The following SULF2 variants were observed in gnomAD, a reference collection of about 807,000 sequenced individuals.
SULF2 encodes sulfatase 2, also known as extracellular sulfatase Sulf-2.
A neutral mutation model predicts 107.7 loss-of-function variants in SULF2; 52 were observed. The ratio of observed to expected loss-of-function variants is 0.48; its 90% CI spans 0.39 to 0.61. The LOEUF (loss-of-function observed/expected upper bound fraction) is 0.61, where lower values mean the gene tolerates loss of function less well. Ranked by LOEUF, SULF2 falls within the 20% of genes least tolerant of loss-of-function variation. The probability of loss-of-function intolerance (pLI) is 0.00; values close to 1 mark genes in which losing one functional copy is unlikely to be tolerated. For synonymous variants in SULF2, 460 were observed against 464.3 expected, an observed-to-expected ratio of 0.99 and a Z score of 0.12; for missense variants, 993 against 1,177.3, an observed-to-expected ratio of 0.84 and a Z score of 2.29.
At chr20:47,760,757 G>A (rs560500878) in intron 1 of SULF2, among the ~76,000 whole-genome samples, 1 of 152,220 alleles carries the variant, frequency 6.6e-6, no homozygotes. Flanking sequence ...TTTCAGGGGA[G>A]CTGGGGACAC....
chr20:47,711,276 ACTGT>A (rs1339938971), intron 3 of SULF2, among the ~76,000 whole-genome samples: 1 of 152,190 alleles, frequency 6.6e-6, no homozygotes, highest in African/African-American at 2.4e-5. Context: ...CTGCAGTCAG[ACTGT>A]CTGGGTTTGA....
intron 1 of SULF2, among the ~76,000 whole-genome samples, chr20:47,765,210 C>T (rs2090502595): frequency 6.6e-6 from 1 of 151,954 alleles, no homozygotes; most frequent in Non-Finnish European, 1.5e-5. Flanking sequence ...AAAAAATTAG[C>T]TGGGCGTGGT....
At chr20:47,691,702 A>C (rs1222355768) in intron 4 of SULF2, among the ~76,000 whole-genome samples, 1 of 152,176 alleles carries the variant, frequency 6.6e-6, no homozygotes, top group African/African-American at 2.4e-5. Context: ...AGAGGGTAAA[A>C]TGCAGAAATG....
chr20:47,680,694 C>T lies in SULF2; in HGVS notation c.1065-1890G>A, dbSNP rs1008507535. 3.3e-5 allele frequency among the ~76,000 whole-genome samples: 5 copies of T among 152,204 alleles called. No individual in the cohort carries two copies. Among genetic ancestry groups the T allele is most frequent in the Admixed American group, 6.5e-5 (1 of 15,282 alleles). ...GGGGGGCTCGAAGGCCAGCGTGAGG[C>T]GCTACAACTGAATCCAGAGGCGAGG... On this transcript the variant is annotated intron_variant, in intron 7 of 20. Coordinates refer to ENST00000688720, the MANE Select transcript of SULF2 (RefSeq NM_001387048.1). This position sits in a 1 kb window ranked among gnomAD's most constrained non-coding sequence, Gnocchi z 4.2.
At chr20:47,784,323 C>A (rs2090882991) in intron 1 of SULF2, among the ~76,000 whole-genome samples, 1 of 152,006 alleles carries the variant, frequency 6.6e-6, no homozygotes, top group Non-Finnish European at 1.5e-5. Context: ...ACTTTTAACT[C>A]AAAAAGTGAT....
rs769874465 is a variant in SULF2, at chr20:47,663,606, T to C, written c.2074A>G (p.Lys692Glu). The C allele has an allele frequency of 1.9e-6, 3 of 1,595,860 alleles. No homozygotes were observed. The African/African-American group carries it at 4.0e-5, about 21-fold the overall frequency. Residue 692 changes from lysine to glutamate, a missense_variant, in exon 16 of 21, where the codon AAG becomes GAG. Physicochemically the swap from Lys to Glu is moderately conservative, Grantham distance 56. Around this residue, in one of 3 missense-constraint regions of SULF2, gnomAD observed 497 missense variants for 544.1 expected, o/e 0.91. Transcript: ENST00000688720. ...LHPFRKGLQE[K>E]DKVWLLREQK... Reference sequence around the variant, plus strand: ...TCCCGCAACAGCCACACCTTGTCCTTCTCTTGCAGGCCCTTCCTATGGGCG... The same window carrying C: ...TCCCGCAACAGCCACACCTTGTCCTCCTCTTGCAGGCCCTTCCTATGGGCG...
At chr20:47,742,977 T>G (rs1289636226) in intron 2 of SULF2, among the ~76,000 whole-genome samples, 1 of 136,002 alleles carries the variant, frequency 7.4e-6, no homozygotes, top group Non-Finnish European at 1.5e-5. Flanking sequence ...GAGGCTTAGG[T>G]GGCTCCTATC....
At chr20:47,699,049 T>C (rs766750616) in intron 4 of SULF2, among the ~76,000 whole-genome samples, 28 of 152,038 alleles carry the variant, frequency 1.8e-4, no homozygotes, top group Non-Finnish European at 3.8e-4. Context: ...AAAACAAAAC[T>C]GAGATGACTG....
intron 3 of SULF2, among the ~76,000 whole-genome samples, chr20:47,718,756 T>G (rs1292728771): frequency 1.3e-5 from 2 of 152,072 alleles, no homozygotes; most frequent in African/African-American, 2.4e-5. Context: ...AAAGGGACAC[T>G]GGGAGGGGCA....
chr20:47,773,854 A>G (rs989872964), intron 1 of SULF2, among the ~76,000 whole-genome samples: 4 of 152,056 alleles, frequency 2.6e-5, no homozygotes. Flanking sequence ...AGCCCTGCTT[A>G]CCCCCACAGA....
rs368404965 is a variant in SULF2 at position 47,760,295 on chromosome 20, G to A, written c.-100-2832C>T. ...GGCACGTCCCTGCTCTCTGGCTTCC[G>A]GCTGGGAGGCTGCAGCATGGGAGGT... is the stretch of plus-strand genomic sequence containing the variant. On this transcript the variant is annotated intron_variant, in intron 1 of 20. Coordinates refer to ENST00000688720, the MANE Select transcript of SULF2 (RefSeq NM_001387048.1). Among the ~76,000 whole-genome samples, 13 of 152,236 alleles carry A rather than the reference G, an allele frequency of 8.5e-5. No homozygotes were observed. The East Asian group carries it at 1.2e-3, about 14-fold the overall frequency.
chr20:47,726,095 G>A (rs370545197), intron 3 of SULF2, among the ~76,000 whole-genome samples: 4 of 152,252 alleles, frequency 2.6e-5, no homozygotes, highest in African/African-American at 9.6e-5. Flanking sequence ...GAGGAATCAC[G>A]GAAAGCACTC....
intron 3 of SULF2, among the ~76,000 whole-genome samples, chr20:47,721,661 C>T (rs910862796): frequency 3.9e-5 from 6 of 152,210 alleles, no homozygotes; most frequent in East Asian, 1.9e-4. Flanking sequence ...TGAGCTACTG[C>T]GCCCGGCCTG....
intron 11 of SULF2, 104 bp downstream of exon 11, chr20:47,672,094 C>T (rs2087493568): frequency 1.6e-6 from 2 of 1,285,800 alleles, no homozygotes; most frequent in South Asian, 2.8e-5. Flanking sequence ...AGATCACCAC[C>T]TGGCAAAGTG....
At chr20:47,710,441 A>AG (rs1160882797) in intron 3 of SULF2, among the ~76,000 whole-genome samples, 1 of 151,792 alleles carries the variant, frequency 6.6e-6, no homozygotes, top group Non-Finnish European at 1.5e-5. Context: ...CACATGCTGT[A>AG]GGGGGGTTTG....
chr20:47,697,073 C>A (rs528649130), intron 4 of SULF2, among the ~76,000 whole-genome samples: 1 of 152,316 alleles, frequency 6.6e-6, no homozygotes, highest in East Asian at 1.9e-4. Context: ...TGGCCGTGCA[C>A]TGCCATCACC....
chr20:47,752,732 C>T (rs146960167), intron 2 of SULF2, among the ~76,000 whole-genome samples: 171 of 152,162 alleles, frequency 1.1e-3, no homozygotes, highest in African/African-American at 3.9e-3. Context: ...TCCTGGGTGA[C>T]AGAGCGAGAC....
intron 4 of SULF2, 51 bp downstream of exon 4, chr20:47,702,468 C>T: frequency 6.3e-7 from 1 of 1,586,134 alleles, no homozygotes. Context: ...AGTTGGGCCT[C>T]TAACTGCTGG....
rs1480450041 is a variant in SULF2 at position 47,666,270 on chromosome 20, C to G, written c.1795G>C (p.Val599Leu). 6.2e-7 allele frequency: 1 copy of G among 1,613,894 alleles called. No individual in the cohort carries two copies. The highest frequency in any genetic ancestry group is 1.1e-5 in the South Asian group (1 of 91,074). Residue 599 changes from valine (V) to leucine (L), a missense_variant, in exon 12 of 21, where the codon GTG becomes CTG. This residue lies in a region of SULF2 where 497 missense variants were observed against 544.1 expected (regional missense o/e 0.91). Coordinates refer to ENST00000688720, the MANE Select transcript of SULF2 (RefSeq NM_001387048.1). The surrounding 1 kb of genome is among the most constrained non-coding windows in gnomAD (Gnocchi z 5.4). Reference protein sequence around the residue: ...PDYSAANPIKVTHRCYILEND... With the variant: ...PDYSAANPIKLTHRCYILEND... ...CACCTGGACACTCACCGATGTGTCA[C>G]TTTAATGGGGTTGGCGGCTGAGTAG... is the stretch of plus-strand genomic sequence containing the variant.
Sources: gnomAD v4.1 joint callset for allele counts (sites outside exome capture counted in the v4.1 genomes callset) on GRCh38, gnomAD v4.1.1 for gene constraint, gnomAD v4.1.1 regional missense constraint, Gnocchi (gnomAD v3.1) non-coding constraint, MANE v1.5 for transcripts, NCBI Gene and HGNC (gene_info 2026-07-23, HGNC 2026-07-21) for gene names.